SKAP1: variants seen among roughly 807,000 people sequenced by gnomAD.
The protein encoded by SKAP1 is src kinase associated phosphoprotein 1, also known as src kinase-associated phosphoprotein 1.
Under a neutral mutation model 58.5 loss-of-function variants are expected in SKAP1, and 44 were observed. The observed-to-expected ratio is 0.75, with a 90% confidence interval of 0.59 to 0.97. SKAP1 has a LOEUF of 0.97. Among genes scored for constraint, SKAP1 ranks in the 50% least tolerant of loss-of-function variants. The pLI, the probability that SKAP1 is intolerant of heterozygous loss-of-function variation, is 0.00. For synonymous variants in SKAP1, 127 were observed against 149.7 expected (o/e 0.85, Z 1.11); for missense variants, 390 against 435.2 (o/e 0.90, Z 0.92).
intron 2 of SKAP1, among the ~76,000 whole-genome samples, chr17:48,390,730 T>C (rs1242483858): frequency 2.0e-5 from 3 of 152,220 alleles, no homozygotes. Flanking sequence ...AGCTCAGTAC[T>C]GGGAAGAATT....
chr17:48,198,847 A>T (rs1481565683), intron 4 of SKAP1, among the ~76,000 whole-genome samples: 3 of 152,252 alleles, frequency 2.0e-5, no homozygotes, highest in African/African-American at 7.2e-5. Flanking sequence ...TTAGCAGCTA[A>T]GTCACAGTAA....
intron 4 of SKAP1, among the ~76,000 whole-genome samples, chr17:48,252,445 C>A (rs1240703259): frequency 6.6e-6 from 1 of 152,128 alleles, no homozygotes; most frequent in Admixed American, 6.6e-5. Flanking sequence ...TGTTGTTTTG[C>A]GCTGGATTTC....
the SKAP1 span, among the ~76,000 whole-genome samples, chr17:48,440,522 A>G: frequency 6.6e-6 from 1 of 152,226 alleles, no homozygotes; most frequent in Non-Finnish European, 1.5e-5. Context: ...AGATTGGCCA[A>G]GGTTTTCATC....
intron 4 of SKAP1, among the ~76,000 whole-genome samples, chr17:48,207,208 G>A (rs1027321457): frequency 3.3e-5 from 5 of 152,076 alleles, no homozygotes; most frequent in African/African-American, 4.8e-5. Context: ...GCACAGGTTG[G>A]GCATGGTGAC....
intron 4 of SKAP1, among the ~76,000 whole-genome samples, chr17:48,272,890 A>G (rs1002171642): frequency 1.3e-5 from 2 of 152,210 alleles, no homozygotes; most frequent in Admixed American, 1.3e-4. Context: ...TTTCAATGTC[A>G]ATGTCTTAAC....
intron 6 of SKAP1, chr17:48,185,258 G>A (rs904015053): frequency 1.8e-5 from 3 of 162,616 alleles, no homozygotes; most frequent in Non-Finnish European, 4.0e-5. Flanking sequence ...AGCAGCACAG[G>A]GGGGCATTAT....
intron 4 of SKAP1, among the ~76,000 whole-genome samples, chr17:48,191,415 A>C (rs1446485938): frequency 6.6e-6 from 1 of 152,220 alleles, no homozygotes; most frequent in Non-Finnish European, 1.5e-5. Context: ...CCAAATACAA[A>C]ACAAAGTAAG....
At chr17:48,158,284 C>T (rs1045544640) in intron 11 of SKAP1, among the ~76,000 whole-genome samples, 1 of 151,710 alleles carries the variant, frequency 6.6e-6, no homozygotes, top group Non-Finnish European at 1.5e-5. Flanking sequence ...CGCTGGCTCA[C>T]GCCTGTAATC....
chr17:48,150,780 G>T (rs996658522), intron 11 of SKAP1, among the ~76,000 whole-genome samples: 5 of 152,170 alleles, frequency 3.3e-5, no homozygotes, highest in Non-Finnish European at 5.9e-5. Flanking sequence ...ACGACAACGG[G>T]TATTTATAGG....
In SKAP1 at chr17:48,310,029, C is replaced by T. The variant is rs1004201705; in HGVS notation, c.280+35876G>A. Among the ~76,000 whole-genome samples the T allele has an allele frequency of 5.9e-5, 9 of 152,228 alleles. 1 individual carries two copies. In the Middle Eastern group the frequency reaches 0.01, roughly 173 times the overall value. ...TTGCACAAATACTACTTCGAAAGAC[C>T]CTCTTTCCATTCTGAGCAATATGGT... On this transcript the variant is annotated intron_variant, in intron 4 of 12. Coordinates refer to ENST00000336915, the MANE Select transcript of SKAP1 (RefSeq NM_003726.4).
At chr17:48,315,260 T>A (rs2066273163) in intron 4 of SKAP1, among the ~76,000 whole-genome samples, 1 of 152,142 alleles carries the variant, frequency 6.6e-6, no homozygotes, top group Non-Finnish European at 1.5e-5. Flanking sequence ...AAATGTTATA[T>A]CTCTGGGGTT....
chr17:48,444,083 A>C, the SKAP1 span, among the ~76,000 whole-genome samples: 30 of 152,240 alleles, frequency 2.0e-4, no homozygotes, highest in African/African-American at 6.7e-4. Flanking sequence ...AAGAATGAGG[A>C]TATTCCCTTA....
intron 10 of SKAP1, among the ~76,000 whole-genome samples, chr17:48,166,335 T>C (rs1294991524): frequency 6.6e-6 from 1 of 152,226 alleles, no homozygotes; most frequent in Non-Finnish European, 1.5e-5. Context: ...GCATTTGTCA[T>C]TGCATGCCAG....
chr17:48,167,141 C>T (rs1329489045), intron 10 of SKAP1, among the ~76,000 whole-genome samples: 1 of 152,170 alleles, frequency 6.6e-6, no homozygotes, highest in Non-Finnish European at 1.5e-5. Flanking sequence ...GCTGGAATTA[C>T]AGATGTGAGT....
chr17:48,391,784 C>CTTTTT (rs35958466), intron 2 of SKAP1, among the ~76,000 whole-genome samples: 1 of 130,862 alleles, frequency 7.6e-6, no homozygotes, highest in African/African-American at 2.8e-5. Flanking sequence ...CTACCTCTTC[C>CTTTTT]TTTTTTTTTT....
upstream of SKAP1, among the ~76,000 whole-genome samples, chr17:48,433,673 T>C (rs1345458127): frequency 2.0e-5 from 3 of 152,088 alleles, no homozygotes; most frequent in African/African-American, 7.2e-5. Flanking sequence ...TGTAATTAGA[T>C]AAGATAAGGG....
intron 11 of SKAP1, among the ~76,000 whole-genome samples, chr17:48,148,682 C>G (rs1174535616): frequency 1.3e-5 from 2 of 152,202 alleles, no homozygotes; most frequent in Admixed American, 6.5e-5. Context: ...CACCTCCCTA[C>G]TGCACTTCAA....
rs746625539 is a variant in SKAP1 at position 48,180,227 on chromosome 17, G to A, written c.653C>T (p.Pro218Leu). 1.3e-6 allele frequency: 2 copies of A among 1,594,838 alleles called. No individual in the cohort carries two copies. Among genetic ancestry groups the A allele is most frequent in the South Asian group, 2.3e-5 (2 of 88,826 alleles). ...TTCTTCCTCCTCATCCTCTTCATAT[G>A]GAATGGTTAAGGAGCTCAGATCTAA... The part of the protein sequence containing the change: ...LLKDLSSLTI[P>L]YEEDEEEEEK... The change falls in exon 9 of 13, where the codon CCA becomes CTA. Residue 218 changes from proline to leucine, a missense_variant. Pro to Leu is a moderately conservative substitution (Grantham distance 98, BLOSUM62 -3). Coordinates refer to ENST00000336915, the MANE Select transcript of SKAP1 (RefSeq NM_003726.4).
chr17:48,370,480 T>C (rs1008096893), intron 2 of SKAP1, among the ~76,000 whole-genome samples: 1 of 152,050 alleles, frequency 6.6e-6, no homozygotes, highest in African/African-American at 2.4e-5. Context: ...TTATTGTATT[T>C]TTTGTAGAGA....
Sources: allele counts gnomAD v4.1 joint callset (sites outside exome capture counted in the v4.1 genomes callset), GRCh38; gene constraint gnomAD v4.1.1; transcripts MANE v1.5; gene names NCBI Gene and HGNC (gene_info 2026-07-23, HGNC 2026-07-21).